Variants in FLNB observed in about 807,000 individuals in gnomAD.
FLNB encodes the protein filamin B, also known as filamin-B.
FLNB carries 111 observed loss-of-function variants against 250.6 expected under a neutral mutation model. The ratio of observed to expected loss-of-function variants is 0.44; its 90% confidence interval spans 0.38 to 0.52. The LOEUF is 0.52. FLNB is among the 20% of genes least tolerant of loss of function. The pLI is 0.00. For synonymous variants in FLNB, 1,302 were observed against 1,372.1 expected (o/e 0.95, Z 1.13); for missense variants, 2,869 against 3,447.8 (o/e 0.83, Z 4.20).
rs753042074 is a variant in FLNB, at chr3:58,105,129, G to A, written c.1660G>A (p.Ala554Thr). The change falls in exon 11 of 46, where the codon GCT becomes ACT. Residue 554 changes from alanine (A) to threonine (T), a missense_variant. This residue lies in a region of FLNB where 1,348 missense variants were observed against 1,466.7 expected (regional missense o/e 0.92). Transcript: ENST00000295956. ...GPEAGMQKVR[A>T]WGPGLHGGIV... Reference sequence around the variant, plus strand: ...TGAAGCGGGTATGCAGAAAGTCCGTGCTTGGGGCCCTGGGCTCCATGGTGG... The same window carrying A: ...TGAAGCGGGTATGCAGAAAGTCCGTACTTGGGGCCCTGGGCTCCATGGTGG... The A allele has an allele frequency of 6.2e-7, 1 of 1,614,242 alleles. No homozygotes were observed. Among genetic ancestry groups the A allele is most frequent in the Non-Finnish European group, 8.5e-7 (1 of 1,180,046 alleles).
At chr3:58,033,890 T>C (rs1013797382) in intron 1 of FLNB, among the ~76,000 whole-genome samples, 1 of 152,198 alleles carries the variant, frequency 6.6e-6, no homozygotes, top group Non-Finnish European at 1.5e-5. Context: ...AGACGGAGTC[T>C]CACTCTGTTG....
intron 8 of FLNB, among the ~76,000 whole-genome samples, chr3:58,101,989 C>T (rs2097251911): frequency 6.6e-6 from 1 of 152,232 alleles, no homozygotes; most frequent in Non-Finnish European, 1.5e-5. Context: ...CACTTTTCTC[C>T]AGTCCTTCTG....
chr3:58,095,202 G>T (rs1196953990), intron 5 of FLNB, among the ~76,000 whole-genome samples: 1 of 146,248 alleles, frequency 6.8e-6, no homozygotes, highest in Non-Finnish European at 1.5e-5. Context: ...TTTAGCAAAG[G>T]TGCCTTGTCA....
intron 27 of FLNB, 105 bp downstream of exon 27, chr3:58,134,877 G>T: frequency 9.2e-7 from 1 of 1,083,908 alleles, no homozygotes; most frequent in Non-Finnish European, 1.4e-6. Context: ...CTCAATGCAA[G>T]TTGTTTGTTA....
intron 4 of FLNB, among the ~76,000 whole-genome samples, chr3:58,086,343 T>C (rs1341040826): frequency 6.6e-6 from 1 of 152,052 alleles, no homozygotes; most frequent in East Asian, 1.9e-4. Context: ...ATCAGTTACA[T>C]AACCTGAGTG....
intron 12 of FLNB, among the ~76,000 whole-genome samples, chr3:58,107,254 C>T (rs1312856880): frequency 6.6e-6 from 1 of 152,184 alleles, no homozygotes; most frequent in Non-Finnish European, 1.5e-5. Context: ...TGGTCTCGAA[C>T]TCCTGGCCTC....
chr3:58,138,848 C>G (rs1225426582), intron 29 of FLNB, among the ~76,000 whole-genome samples: 1 of 152,058 alleles, frequency 6.6e-6, no homozygotes, highest in African/African-American at 2.4e-5. Context: ...AATGTTTCTA[C>G]ATAAAACATG....
chr3:58,109,382 T>G (rs879013050), intron 14 of FLNB, 60 bp downstream of exon 14: 2 of 1,589,598 alleles, frequency 1.3e-6, no homozygotes, highest in South Asian at 2.3e-5. Context: ...ACACCAGGTC[T>G]GGGATCCATG....
intron 28 of FLNB, 59 bp downstream of exon 28, chr3:58,136,227 G>T (rs934836438): frequency 5.2e-6 from 8 of 1,551,396 alleles, no homozygotes; most frequent in Non-Finnish European, 7.1e-6. Context: ...AAGCCGGGCC[G>T]TAGCCCTTCT....
intron 4 of FLNB, among the ~76,000 whole-genome samples, chr3:58,090,928 A>T (rs899753958): frequency 1.3e-5 from 2 of 152,070 alleles, no homozygotes; most frequent in African/African-American, 2.4e-5. Context: ...AATACAAAAA[A>T]TTAGCTGGGC....
At chr3:58,082,738 T>C (rs540683198) in intron 4 of FLNB, among the ~76,000 whole-genome samples, 4 of 151,180 alleles carry the variant, frequency 2.6e-5, no homozygotes, top group Admixed American at 2.6e-4. Flanking sequence ...GCCACTGCAC[T>C]CCAGCCTGGG....
chr3:58,011,823 TA>T lies in FLNB; in HGVS notation c.292+2968del, dbSNP rs200258787. Among the ~76,000 whole-genome samples, 207 of 152,324 alleles carry T rather than the reference TA, an allele frequency of 1.4e-3. 1 individual carries two copies. The East Asian group carries it at 0.021, about 16-fold the overall frequency. ...TAATGATCTGCTTCTGCAAGTCACT[TA>T]GAGAGTTCAGGGCTTAACACTGTCC... is the stretch of plus-strand genomic sequence containing the variant. On this transcript the variant is annotated intron_variant, in intron 1 of 45. Coordinates refer to ENST00000295956, the MANE Select transcript of FLNB (RefSeq NM_001457.4).
chr3:58,023,980 T>C (rs2106725399), intron 1 of FLNB, among the ~76,000 whole-genome samples: 1 of 152,336 alleles, frequency 6.6e-6, no homozygotes, highest in Admixed American at 6.5e-5. Context: ...GATGTGAGCC[T>C]GACAATGTAC....
chr3:58,105,565 T>C (rs1181919115), intron 11 of FLNB, among the ~76,000 whole-genome samples: 1 of 152,256 alleles, frequency 6.6e-6, no homozygotes, highest in Admixed American at 6.5e-5. Context: ...GATAAATATT[T>C]CCTTTGGAGC....
chr3:58,069,850 T>C (rs2097191491), intron 1 of FLNB, among the ~76,000 whole-genome samples: 1 of 151,964 alleles, frequency 6.6e-6, no homozygotes, highest in South Asian at 2.1e-4. Context: ...AACCACCTGT[T>C]AATTCACAAG....
chr3:58,076,276 G>GA (rs1227683703), intron 1 of FLNB, among the ~76,000 whole-genome samples: 1 of 151,962 alleles, frequency 6.6e-6, no homozygotes, highest in Non-Finnish European at 1.5e-5. Context: ...TTAATGAAAA[G>GA]AAAAAAATTC....
intron 43 of FLNB, chr3:58,165,827 A>C (rs578025086): frequency 3.7e-4 from 57 of 152,238 alleles, no homozygotes; most frequent in African/African-American, 1.3e-3. Context: ...AAGAACAAGC[A>C]GTGCTGCGTT....
In FLNB at chr3:58,040,210, C is replaced by G. The variant is rs148216217; in HGVS notation, c.292+31354C>G. Reference sequence around the variant, plus strand: ...CCCCAGCGCTGGCCTCTCAGGTTCTCTTGCGGGATTAGTGTTTGTTGAATA... The same window carrying G: ...CCCCAGCGCTGGCCTCTCAGGTTCTGTTGCGGGATTAGTGTTTGTTGAATA... On this transcript the variant is annotated intron_variant, in intron 1 of 45. Coordinates refer to ENST00000295956, the MANE Select transcript of FLNB (RefSeq NM_001457.4). 1.2e-3 allele frequency among the ~76,000 whole-genome samples: 182 copies of G among 152,306 alleles called. 1 individual carries two copies. Among genetic ancestry groups the G allele is most frequent in the African/African-American group, 4.1e-3 (169 of 41,568 alleles).
rs2107225093 is a variant in FLNB at position 58,136,171 on chromosome 3, G to A, written c.4861+3G>A. ...TGCCAGCAAGTGCCTGGCCACGGGTGAGTACAGGGCATCTCAAGGTCAGGG... is the reference window on the plus strand; with the variant it reads ...TGCCAGCAAGTGCCTGGCCACGGGTAAGTACAGGGCATCTCAAGGTCAGGG... On this transcript the variant is annotated splice_donor_region_variant and intron_variant, in intron 28 of 45. Transcript: ENST00000295956. 1 of 1,614,152 alleles carries A rather than the reference G, an allele frequency of 6.2e-7. No homozygotes were observed. The highest frequency in any genetic ancestry group is 8.5e-7 in the Non-Finnish European group (1 of 1,180,008).
Sources: allele counts gnomAD v4.1 joint callset (sites outside exome capture counted in the v4.1 genomes callset), GRCh38; gene constraint gnomAD v4.1.1; regional missense constraint gnomAD v4.1.1; transcripts MANE v1.5; gene names NCBI Gene and HGNC (gene_info 2026-07-23, HGNC 2026-07-21).